The following FSTL5 variants were observed in gnomAD, a reference collection of about 807,000 sequenced individuals.
FSTL5 encodes follistatin-related protein 5.
Under a neutral mutation model 89.1 loss-of-function variants are expected in FSTL5, and 62 were observed. The ratio of observed to expected loss-of-function variants is 0.70; its 90% CI spans 0.57 to 0.86. The LOEUF (loss-of-function observed/expected upper bound fraction) is 0.86. Ranked by LOEUF, FSTL5 falls within the 40% of genes least tolerant of loss-of-function variation. FSTL5 has a pLI of 0.00. For synonymous variants in FSTL5, 383 were observed against 346.2 expected (o/e 1.11, Z -1.18); for missense variants, 1,057 against 1,001.6 (o/e 1.06, Z -0.75).
chr4:161,514,131 C>A (rs554527651), intron 10 of FSTL5, among the ~76,000 whole-genome samples: 1 of 151,810 alleles, frequency 6.6e-6, no homozygotes, highest in Non-Finnish European at 1.5e-5. Flanking sequence ...AACTAATAAA[C>A]TAAGAATACA....
intron 1 of FSTL5, among the ~76,000 whole-genome samples, chr4:162,143,748 A>ACACACACCC (rs1363446909): frequency 1.2e-4 from 15 of 127,680 alleles, no homozygotes; most frequent in Non-Finnish European, 1.6e-4. Context: ...ACACACACAC[A>ACACACACCC]CCCAGGAAAA....
rs114097137 is a variant in FSTL5, at chr4:161,479,563, G to C, written c.1608+1457C>G. On this transcript the variant is annotated intron_variant, in intron 13 of 15. Coordinates refer to ENST00000306100, the MANE Select transcript of FSTL5 (RefSeq NM_020116.5). The stretch of plus-strand genomic sequence containing the variant: ...GTCATTTGTGTTGGCCTATGTTGCA[G>C]CTGAAATAAAAAGCCAATCTAGTCA... Among the ~76,000 whole-genome samples, 520 of 152,154 alleles carry C rather than the reference G, an allele frequency of 3.4e-3. 3 individuals carry two copies. The highest frequency in any genetic ancestry group is 0.011 in the African/African-American group (472 of 41,534).
intron 8 of FSTL5, among the ~76,000 whole-genome samples, chr4:161,584,287 G>A (rs1026278330): frequency 6.6e-6 from 1 of 152,166 alleles, no homozygotes; most frequent in Admixed American, 6.5e-5. Flanking sequence ...ACGTCCTCAT[G>A]CTCCTACACT....
intron 6 of FSTL5, among the ~76,000 whole-genome samples, chr4:161,687,193 C>T (rs1050878030): frequency 1.3e-5 from 2 of 152,106 alleles, no homozygotes; most frequent in Admixed American, 1.3e-4. Flanking sequence ...AGAACAATGG[C>T]TAGTGACATT....
chr4:161,538,098 T>C lies in FSTL5; in HGVS notation c.1312+68A>G, dbSNP rs371007127. The C allele has an allele frequency of 3.3e-6, 5 of 1,522,240 alleles. No homozygotes were observed. In the African/African-American group the frequency reaches 6.9e-5, roughly 21 times the overall value. 94.3% of individuals were successfully genotyped at this position (1,522,240 alleles called of 1,614,324 possible). A position where few individuals can be genotyped will look rare whatever the true frequency, so the allele number is the denominator to read the frequency against. On this transcript the variant is annotated intron_variant, in intron 10 of 15. Transcript: ENST00000306100. ...CACAGTTTTCTGGTGCCTTTACTTTTTAAAAAAAGCTGTAAAAAAGTACGT... is the reference window on the plus strand; with the variant it reads ...CACAGTTTTCTGGTGCCTTTACTTTCTAAAAAAAGCTGTAAAAAAGTACGT...
chr4:161,965,995 T>C (rs1268445024), intron 3 of FSTL5, among the ~76,000 whole-genome samples: 1 of 152,126 alleles, frequency 6.6e-6, no homozygotes, highest in East Asian at 1.9e-4. Flanking sequence ...TAGTACATCA[T>C]AGTATGTATG....
chr4:161,506,539 C>A (rs926008456), intron 11 of FSTL5, among the ~76,000 whole-genome samples: 2 of 152,112 alleles, frequency 1.3e-5, no homozygotes, highest in Admixed American at 1.3e-4. Flanking sequence ...GAGCAGTATA[C>A]ACTGAACCCA....
chr4:161,857,858 T>C (rs374910191), intron 4 of FSTL5, among the ~76,000 whole-genome samples: 2 of 152,166 alleles, frequency 1.3e-5, no homozygotes, highest in Non-Finnish European at 2.9e-5. Context: ...CATCACCTTA[T>C]GCTTTTCCCT....
At chr4:161,814,756 G>T (rs577622748) in intron 4 of FSTL5, among the ~76,000 whole-genome samples, 1 of 152,166 alleles carries the variant, frequency 6.6e-6, no homozygotes, top group African/African-American at 2.4e-5. Context: ...CTGCCAAAAA[G>T]ATGTGTAGGT....
chr4:161,771,070 A>AT (rs1741192271), intron 5 of FSTL5, among the ~76,000 whole-genome samples: 2 of 152,060 alleles, frequency 1.3e-5, no homozygotes, highest in African/African-American at 4.8e-5. Flanking sequence ...TTATTTTATT[A>AT]TAAAAATCAA....
At chr4:161,782,458 C>T (rs557444627) in intron 4 of FSTL5, among the ~76,000 whole-genome samples, 19 of 152,044 alleles carry the variant, frequency 1.2e-4, no homozygotes, top group Non-Finnish European at 2.1e-4. Context: ...AGTGGTAGTT[C>T]CTTCTGTTTT....
At chr4:161,394,559 G>A (rs1451511863) in intron 15 of FSTL5, among the ~76,000 whole-genome samples, 1 of 152,160 alleles carries the variant, frequency 6.6e-6, no homozygotes, top group Non-Finnish European at 1.5e-5. Flanking sequence ...ACAGGCGTGA[G>A]CCACTGCACC....
At chr4:161,631,811 C>A (rs960297220) in intron 7 of FSTL5, among the ~76,000 whole-genome samples, 1 of 152,046 alleles carries the variant, frequency 6.6e-6, no homozygotes, top group African/African-American at 2.4e-5. Context: ...TTTTATTATT[C>A]ATTGAAGAAA....
At chr4:161,599,653 C>T (rs931464280) in intron 7 of FSTL5, among the ~76,000 whole-genome samples, 3 of 150,796 alleles carry the variant, frequency 2.0e-5, no homozygotes, top group Non-Finnish European at 4.4e-5. Context: ...CTAATAATGT[C>T]CAGGTTTAAG....
At chr4:161,909,943 A>G (rs138161388) in intron 4 of FSTL5, among the ~76,000 whole-genome samples, 2,094 of 152,264 alleles carry the variant, frequency 0.014, 29 homozygotes, top group Middle Eastern at 0.034. Flanking sequence ...GTGTGTAGTT[A>G]TCAAGAGGAA....
chr4:161,753,873 T>C (rs1489794358), intron 6 of FSTL5, among the ~76,000 whole-genome samples: 1 of 151,714 alleles, frequency 6.6e-6, no homozygotes, highest in Non-Finnish European at 1.5e-5. Flanking sequence ...AAACCCCCTC[T>C]CTACTAAAAA....
chr4:161,640,346 A>G (rs1208013012), intron 7 of FSTL5, among the ~76,000 whole-genome samples: 1 of 152,194 alleles, frequency 6.6e-6, no homozygotes, highest in African/African-American at 2.4e-5. Flanking sequence ...AGAAGACCTG[A>G]TATAAGATCT....
At chr4:161,437,737 A>C (rs1732619643) in intron 15 of FSTL5, among the ~76,000 whole-genome samples, 1 of 152,106 alleles carries the variant, frequency 6.6e-6, no homozygotes, top group African/African-American at 2.4e-5. Context: ...TTGGTGATAG[A>C]ATTGTTAGCA....
At chr4:161,430,712 C>T (rs1008793437) in intron 15 of FSTL5, among the ~76,000 whole-genome samples, 3 of 152,096 alleles carry the variant, frequency 2.0e-5, no homozygotes, top group Admixed American at 6.5e-5. Flanking sequence ...TGCATTCCAG[C>T]CTGGGCGACA....
Sources: allele counts gnomAD v4.1 joint callset (sites outside exome capture counted in the v4.1 genomes callset), GRCh38; gene constraint gnomAD v4.1.1; transcripts MANE v1.5; gene names NCBI Gene and HGNC (gene_info 2026-07-23, HGNC 2026-07-21).